The following CCDC178 variants were observed in gnomAD, a reference collection of about 807,000 sequenced individuals.
CCDC178 encodes the protein coiled-coil domain containing 178, also known as coiled-coil domain-containing protein 178.
In CCDC178, 126 loss-of-function variants were observed where a neutral mutation model predicts 117.4. That is an observed-to-expected ratio of 1.07 (90% CI 0.93 to 1.24). CCDC178 has a LOEUF of 1.24. CCDC178 is among the 50% of genes most tolerant of loss of function. The probability of loss-of-function intolerance (pLI) is 0.00; values close to 1 mark genes in which losing one functional copy is unlikely to be tolerated. For missense variants in CCDC178, 1,030 were observed against 986.9 expected (o/e 1.04, Z -0.59); for synonymous variants, 283 against 313.4 (o/e 0.90, Z 1.02).
Position 33,245,288 on chromosome 18 carries a change from T to A in CCDC178, c.1550A>T (p.Asp517Val). ...TTCTGCTATTTTATCTTCCATTTCA[T>A]CTGTCTTGTGTTTGGTTAGGTGGAA... ...TLFHLTKHKT[D>V]EMEDKIAEVR... Residue 517 changes from aspartate (D) to valine (V), a missense_variant, in exon 15 of 23, where the codon GAT becomes GTT. Physicochemically the swap from Asp to Val is radical, Grantham distance 152. Transcript: ENST00000383096. 1.2e-6 allele frequency: 2 copies of A among 1,600,308 alleles called. No homozygotes were observed. Among genetic ancestry groups the A allele is most frequent in the Non-Finnish European group, 1.7e-6 (2 of 1,174,386 alleles).
chr18:33,077,250 A>T (rs1677942972), intron 21 of CCDC178, among the ~76,000 whole-genome samples: 1 of 152,212 alleles, frequency 6.6e-6, no homozygotes, highest in Non-Finnish European at 1.5e-5. Context: ...ACTCGGTTTG[A>T]CTGCTAGCTC....
chr18:33,362,491 T>C (rs1274128090), intron 6 of CCDC178, among the ~76,000 whole-genome samples: 2 of 151,776 alleles, frequency 1.3e-5, no homozygotes, highest in African/African-American at 4.8e-5. Context: ...ATGTAAAACA[T>C]GAGGACTAAA....
At chr18:33,324,797 G>A (rs2062563016) in intron 10 of CCDC178, among the ~76,000 whole-genome samples, 1 of 151,672 alleles carries the variant, frequency 6.6e-6, no homozygotes, top group African/African-American at 2.4e-5. Context: ...AGTCTTAAAT[G>A]TCTATACCTT....
At chr18:33,300,581 A>G (rs2062164107) in intron 11 of CCDC178, among the ~76,000 whole-genome samples, 1 of 152,196 alleles carries the variant, frequency 6.6e-6, no homozygotes, top group Non-Finnish European at 1.5e-5. Context: ...GAGGTTTCAG[A>G]TGTAAATGAG....
chr18:33,339,184 A>G (rs2062781151), intron 9 of CCDC178, among the ~76,000 whole-genome samples: 1 of 152,162 alleles, frequency 6.6e-6, no homozygotes, highest in South Asian at 2.1e-4. Flanking sequence ...CATCTAATTT[A>G]TAAAAAGAGA....
In CCDC178 at chr18:33,329,841, C is replaced by A. The variant is rs557160170; in HGVS notation, c.879+3333G>T. Among the ~76,000 whole-genome samples the A allele has an allele frequency of 2.9e-5, 4 of 139,460 alleles. No homozygotes were observed. The East Asian group carries it at 6.9e-4, about 24-fold the overall frequency. The allele number at this position is 139,460 out of a possible 152,430, so 91.5% of individuals were successfully genotyped here. A position where few individuals can be genotyped will look rare whatever the true frequency, so the allele number is the denominator to read the frequency against. On this transcript the variant is annotated intron_variant, in intron 10 of 22. Coordinates refer to ENST00000383096, the MANE Select transcript of CCDC178 (RefSeq NM_001105528.4). ...AGTGTTCCTTCCTCTTCCTCTTTTC[C>A]TTTTGGAAGAGTTTGAGAGTTGGAG...
chr18:33,256,969 G>C (rs914598026), intron 14 of CCDC178, among the ~76,000 whole-genome samples: 1 of 150,756 alleles, frequency 6.6e-6, no homozygotes, highest in Admixed American at 6.6e-5. Context: ...TGTACAATCT[G>C]AGTTCTATTT....
At chr18:33,064,804 G>T (rs2144974005) in intron 21 of CCDC178, among the ~76,000 whole-genome samples, 1 of 152,206 alleles carries the variant, frequency 6.6e-6, no homozygotes, top group South Asian at 2.1e-4. Context: ...CCAAAATATG[G>T]AGTTATCTCA....
At chr18:33,184,854 A>G (rs551931666) in intron 20 of CCDC178, among the ~76,000 whole-genome samples, 13 of 152,230 alleles carry the variant, frequency 8.5e-5, no homozygotes, top group Admixed American at 5.2e-4. Context: ...TTCAAGGAGC[A>G]AAGTGGTCAT....
chr18:33,380,641 C>T (rs982213181), intron 5 of CCDC178, among the ~76,000 whole-genome samples: 1 of 152,174 alleles, frequency 6.6e-6, no homozygotes, highest in Non-Finnish European at 1.5e-5. Flanking sequence ...GTTTCACTCA[C>T]TTTTAACACC....
intron 15 of CCDC178, among the ~76,000 whole-genome samples, chr18:33,231,936 C>A (rs1290660033): frequency 6.6e-6 from 1 of 152,144 alleles, no homozygotes; most frequent in Non-Finnish European, 1.5e-5. Context: ...CTGGCTGCTG[C>A]CTACATTTGC....
intron 21 of CCDC178, among the ~76,000 whole-genome samples, chr18:33,041,018 G>C (rs545891257): frequency 3.4e-4 from 52 of 152,022 alleles, no homozygotes; most frequent in African/African-American, 1.3e-3. Context: ...AAGAGCAAGA[G>C]AAAGGAGAAA....
chr18:33,171,849 G>A (rs565275819), intron 20 of CCDC178, among the ~76,000 whole-genome samples: 4 of 152,240 alleles, frequency 2.6e-5, no homozygotes, highest in Admixed American at 6.5e-5. Flanking sequence ...GCGAAACTTC[G>A]GTTTTACTTT....
At chr18:33,309,767 T>G (rs1242916225) in intron 11 of CCDC178, among the ~76,000 whole-genome samples, 1 of 152,118 alleles carries the variant, frequency 6.6e-6, no homozygotes, top group Non-Finnish European at 1.5e-5. Flanking sequence ...TAAAACTCAT[T>G]TATAAAACAA....
At chr18:33,119,187 T>C (rs1486489633) in intron 20 of CCDC178, among the ~76,000 whole-genome samples, 2 of 151,986 alleles carry the variant, frequency 1.3e-5, no homozygotes, top group Non-Finnish European at 2.9e-5. Flanking sequence ...AATTGACAAA[T>C]GGGATCTAAT....
intron 2 of CCDC178, among the ~76,000 whole-genome samples, chr18:33,417,535 TACACACACAC>T (rs60345049): frequency 1.2e-4 from 18 of 148,300 alleles, no homozygotes; most frequent in Admixed American, 8.8e-4. Flanking sequence ...CAGAGCTGTA[TACACACACAC>T]ACACACACAC....
chr18:33,190,335 GCT>G (rs965283268), intron 20 of CCDC178, among the ~76,000 whole-genome samples: 4 of 152,166 alleles, frequency 2.6e-5, no homozygotes. Flanking sequence ...CTCCTAAAAG[GCT>G]CTGTTTCTCA....
At chr18:33,165,336 G>A (rs2058515604) in intron 20 of CCDC178, among the ~76,000 whole-genome samples, 1 of 152,062 alleles carries the variant, frequency 6.6e-6, no homozygotes. Context: ...ACCCAATCTA[G>A]TATAACAACA....
intron 5 of CCDC178, among the ~76,000 whole-genome samples, chr18:33,382,766 G>C (rs1389308968): frequency 2.0e-5 from 3 of 152,118 alleles, no homozygotes; most frequent in Admixed American, 1.3e-4. Flanking sequence ...GCAGGCACTG[G>C]GCTGCAGGAG....
Sources: allele counts gnomAD v4.1 joint callset (sites outside exome capture counted in the v4.1 genomes callset), GRCh38; gene constraint gnomAD v4.1.1; transcripts MANE v1.5; gene names NCBI Gene and HGNC (gene_info 2026-07-23, HGNC 2026-07-21).